Variants in C8orf88 observed in about 807,000 individuals in gnomAD.
The protein encoded by C8orf88 is chromosome 8 open reading frame 88.
Under a neutral mutation model 18.4 loss-of-function variants are expected in C8orf88, and 14 were observed. That is an observed-to-expected ratio of 0.76 (90% CI 0.50 to 1.19). C8orf88 has a LOEUF of 1.19. C8orf88 is among the 50% of genes most tolerant of loss of function. The probability of loss-of-function intolerance (pLI) is 0.00; values close to 1 mark genes in which losing one functional copy is unlikely to be tolerated. For synonymous variants in C8orf88, 45 were observed against 42.9 expected (o/e 1.05, Z -0.19); for missense variants, 116 against 134.7 (o/e 0.86, Z 0.69).
chr8:90,974,305 T>C (rs564001783), intron 3 of C8orf88, among the ~76,000 whole-genome samples: 13 of 152,276 alleles, frequency 8.5e-5, no homozygotes, highest in African/African-American at 3.1e-4. Context: ...TGAACATTAG[T>C]CTTGGAACCC....
intron 4 of C8orf88, among the ~76,000 whole-genome samples, chr8:90,970,164 T>C (rs952234434): frequency 1.3e-5 from 2 of 152,022 alleles, no homozygotes; most frequent in African/African-American, 4.8e-5. Flanking sequence ...CATAGTAGTA[T>C]AAAGAGTGAG....
chr8:90,979,351 A>G (rs2130324037), intron 2 of C8orf88, among the ~76,000 whole-genome samples: 1 of 152,308 alleles, frequency 6.6e-6, no homozygotes, highest in South Asian at 2.1e-4. Context: ...ATTGTTTTAC[A>G]TTCTTTCCTT....
chr8:90,961,292 G>A (rs1311741482), intron 4 of C8orf88, among the ~76,000 whole-genome samples: 1 of 151,126 alleles, frequency 6.6e-6, no homozygotes, highest in Non-Finnish European at 1.5e-5. Context: ...CTATGTATCA[G>A]GAACTGTGCT....
chr8:90,959,565 T>A lies in C8orf88; in HGVS notation c.331-535A>T, dbSNP rs1452643701. Among the ~76,000 whole-genome samples the A allele has an allele frequency of 3.3e-5, 5 of 151,610 alleles. No individual in the cohort carries two copies. The East Asian group carries it at 5.8e-4, about 18-fold the overall frequency. On this transcript the variant is annotated intron_variant, in intron 5 of 5. Transcript: ENST00000517562. Reference sequence around the variant, plus strand: ...TATGCATGAGAAGTATTATAAAAAATTTTAATTCCTGCTTTAATTAACTTT... The same window carrying A: ...TATGCATGAGAAGTATTATAAAAAAATTTAATTCCTGCTTTAATTAACTTT...
intron 4 of C8orf88, among the ~76,000 whole-genome samples, chr8:90,970,759 G>A (rs948862206): frequency 2.0e-5 from 3 of 152,004 alleles, no homozygotes; most frequent in African/African-American, 7.2e-5. Context: ...GTTGAGGATG[G>A]CATAGCAATA....
Position 90,959,021 on chromosome 8 carries a change from G to T in C8orf88, c.340C>A (p.Gln114Lys). The T allele has an allele frequency of 7.1e-7, 1 of 1,398,820 alleles. No individual in the cohort carries two copies. Among genetic ancestry groups the T allele is most frequent in the South Asian group, 1.4e-5 (1 of 73,206 alleles). 86.7% of individuals were successfully genotyped at this position (1,398,820 alleles called of 1,614,324 possible). A position where few individuals can be genotyped will look rare whatever the true frequency, so the allele number is the denominator to read the frequency against. ...PIVLQKPENN[Q>K]SFK is the part of the protein sequence containing the mutation. ...TTCTTAAAATGCTACTTAAAACTTT[G>T]GTTGTTTTCCTGTAATATAAAAGAA... Residue 114 changes from glutamine (Q) to lysine (K), a missense_variant, in exon 6 of 6, where the codon CAA becomes AAA. By Grantham distance (53) the Gln-to-Lys change is moderately conservative (BLOSUM62 1). Transcript: ENST00000517562.
chr8:90,972,435 C>A (rs1811296512), intron 3 of C8orf88, among the ~76,000 whole-genome samples: 1 of 151,642 alleles, frequency 6.6e-6, no homozygotes, highest in Non-Finnish European at 1.5e-5. Context: ...AAAACAATTT[C>A]TTGCCTCCGG....
chr8:90,966,156 T>C lies in C8orf88; in HGVS notation c.223+4910A>G, dbSNP rs539692191. Among the ~76,000 whole-genome samples, 628 of 151,626 alleles carry C rather than the reference T, an allele frequency of 4.1e-3. 4 individuals carry two copies. The highest frequency in any genetic ancestry group is 7.0e-3 in the Non-Finnish European group (473 of 67,794). ...AAGAAAATGTGGCACATATACACCA[T>C]GGAATACTATGCAGCCATAAAAAAT... On this transcript the variant is annotated intron_variant, in intron 4 of 5. Coordinates refer to ENST00000517562, the MANE Select transcript of C8orf88 (RefSeq NM_001190972.2).
chr8:90,958,991 ATC>A lies in C8orf88; in HGVS notation c.*14_*15del. The stretch of plus-strand genomic sequence containing the variant: ...TTTGCAGATGTCCAAACTTAAATTC[ATC>A]TGTTCTTAAAATGCTACTTAAAACT... On this transcript the variant is annotated 3_prime_UTR_variant, in exon 6 of 6. Transcript: ENST00000517562. The A allele has an allele frequency of 7.1e-7, 1 of 1,405,712 alleles. No individual in the cohort carries two copies. Among genetic ancestry groups the A allele is most frequent in the Non-Finnish European group, 9.6e-7 (1 of 1,046,728 alleles). 87.1% of individuals were successfully genotyped at this position (1,405,712 alleles called of 1,614,324 possible).
chr8:90,975,964 AT>A (rs201436634), intron 3 of C8orf88, among the ~76,000 whole-genome samples: 2,696 of 152,036 alleles, frequency 0.018, 34 homozygotes, highest in Non-Finnish European at 0.025. Flanking sequence ...TATATACAAC[AT>A]GAAAGGATCT....
Position 90,980,420 on chromosome 8 carries a change from AT to A in C8orf88, c.15del (p.Lys5AsnfsTer2). ...GCTGGTTGAAGCGGTTTACCAATTA[AT>A]TTTTTGGTTTCCATTGTCACAAAGA... is the stretch of plus-strand genomic sequence containing the variant. Reference protein sequence around the residue: METKKLIGKPLQPAR... With the variant: METKXLIGKPLQPAR... On this transcript the variant is annotated frameshift_variant, in exon 2 of 6. Coordinates refer to ENST00000517562, the MANE Select transcript of C8orf88 (RefSeq NM_001190972.2). LOFTEE classifies it high-confidence loss of function. 1 of 1,531,522 alleles carries A rather than the reference AT, an allele frequency of 6.5e-7. No homozygotes were observed. 94.9% of individuals were successfully genotyped at this position (1,531,522 alleles called of 1,614,324 possible).
At chr8:90,963,097 G>GT (rs1177623342) in intron 4 of C8orf88, among the ~76,000 whole-genome samples, 1 of 151,598 alleles carries the variant, frequency 6.6e-6, no homozygotes, top group Admixed American at 6.6e-5. Context: ...CAGAATTGAG[G>GT]TAATACCTCA....
At chr8:90,979,704 CTAAAG>C (rs1563555809) in intron 2 of C8orf88, among the ~76,000 whole-genome samples, 1 of 152,086 alleles carries the variant, frequency 6.6e-6, no homozygotes, top group Non-Finnish European at 1.5e-5. Flanking sequence ...TGTGTATCAC[CTAAAG>C]TAGACACAGA....
chr8:90,979,335 G>C (rs1473080231), intron 2 of C8orf88, among the ~76,000 whole-genome samples: 1 of 152,132 alleles, frequency 6.6e-6, no homozygotes, highest in Admixed American at 6.5e-5. Context: ...GAAAAGAGCT[G>C]CTGCAATTGT....
At chr8:90,967,216 T>C (rs888903451) in intron 4 of C8orf88, among the ~76,000 whole-genome samples, 5 of 151,852 alleles carry the variant, frequency 3.3e-5, no homozygotes, top group Non-Finnish European at 2.9e-5. Flanking sequence ...TGTGGTGTAT[T>C]ATTACTGATT....
intron 3 of C8orf88, among the ~76,000 whole-genome samples, chr8:90,974,783 G>T (rs1209251263): frequency 1.3e-5 from 2 of 151,318 alleles, no homozygotes; most frequent in Admixed American, 1.3e-4. Flanking sequence ...AGACAACACA[G>T]AAAGAAAAAA....
chr8:90,980,775 T>G (rs1811423281), intron 1 of C8orf88, among the ~76,000 whole-genome samples: 1 of 152,036 alleles, frequency 6.6e-6, no homozygotes, highest in South Asian at 2.1e-4. Flanking sequence ...TCACTTCAAC[T>G]TAAAGCTCCT....
chr8:90,964,331 T>C (rs1811165933), intron 4 of C8orf88, among the ~76,000 whole-genome samples: 1 of 151,666 alleles, frequency 6.6e-6, no homozygotes, highest in African/African-American at 2.4e-5. Context: ...TGATTTCTCA[T>C]CAGAAACTAT....
intron 4 of C8orf88, among the ~76,000 whole-genome samples, chr8:90,967,199 CT>C (rs1811213489): frequency 6.6e-6 from 1 of 151,792 alleles, no homozygotes; most frequent in African/African-American, 2.4e-5. Flanking sequence ...CCCCTGAATC[CT>C]GTTAATGTGG....
Sources: gnomAD v4.1 joint callset for allele counts (sites outside exome capture counted in the v4.1 genomes callset) on GRCh38, gnomAD v4.1.1 for gene constraint, MANE v1.5 for transcripts, NCBI Gene and HGNC (gene_info 2026-07-23, HGNC 2026-07-21) for gene names.